The following TMEM25 variants were observed in gnomAD, a reference collection of about 807,000 sequenced individuals.
TMEM25 encodes the protein transmembrane protein 25.
In TMEM25, 36 loss-of-function variants were observed where a neutral mutation model predicts 37.0. That is an observed-to-expected ratio of 0.97 (90% CI 0.75 to 1.28). The LOEUF is 1.28. TMEM25 is among the 50% of genes most tolerant of loss of function. The pLI, the probability that TMEM25 is intolerant of heterozygous loss-of-function variation, is 0.00. For synonymous variants in TMEM25, 197 were observed against 203.7 expected (o/e 0.97, Z 0.28); for missense variants, 444 against 477.9 (o/e 0.93, Z 0.66).
At chr11:118,541,899 A>G (rs1193740013) in intron 8 of TMEM25, among the ~76,000 whole-genome samples, 1 of 152,158 alleles carries the variant, frequency 6.6e-6, no homozygotes, top group Admixed American at 6.6e-5. Flanking sequence ...CTGGGACCAC[A>G]GGTGTATACC....
chr11:118,543,982 T>C (rs1951618646), intron 8 of TMEM25, among the ~76,000 whole-genome samples: 2 of 152,030 alleles, frequency 1.3e-5, no homozygotes, highest in Non-Finnish European at 2.9e-5. Context: ...AACTTTTGTA[T>C]TATTAGTAGA....
rs782412363 is a variant in TMEM25 at position 118,531,907 on chromosome 11, G to A, written c.70+36G>A. 1.9e-6 allele frequency: 3 copies of A among 1,549,546 alleles called. No homozygotes were observed. The African/African-American group carries it at 4.1e-5, about 21-fold the overall frequency. ...GTTCAGTCGTTGACCAAGTCCTTCT[G>A]GGTTCCAAAGCCCCCTCTCTCCCCT... On this transcript the variant is annotated intron_variant, in intron 2 of 8. Transcript: ENST00000313236.
chr11:118,535,333 C>G lies in TMEM25; in HGVS notation c.*753C>G. The G allele has an allele frequency of 1.4e-6, 2 of 1,380,678 alleles. No homozygotes were observed. The highest frequency in any genetic ancestry group is 2.7e-5 in the East Asian group (1 of 37,316). The allele number at this position is 1,380,678 out of a possible 1,614,324, so 85.5% of individuals were successfully genotyped here. On this transcript the variant is annotated 3_prime_UTR_variant, in exon 9 of 9. Transcript: ENST00000313236. ...GGCAGGCGATGAGTCTAGTAGCACCCAGGACGGCTTGTAGCTATGCATCAT... is the reference window on the plus strand; with the variant it reads ...GGCAGGCGATGAGTCTAGTAGCACCGAGGACGGCTTGTAGCTATGCATCAT...
At chr11:118,543,148 C>T (rs1268402395) in intron 8 of TMEM25, among the ~76,000 whole-genome samples, 3 of 152,162 alleles carry the variant, frequency 2.0e-5, no homozygotes, top group Non-Finnish European at 4.4e-5. Flanking sequence ...GAGGCATAGG[C>T]AGGAGAATCG....
chr11:118,533,036 C>T lies in TMEM25; in HGVS notation c.502C>T (p.Gln168Ter). Reference sequence around the variant, plus strand: ...GCCGGCCAATGTCACCTGGATCGACCAGGATGGGCCAGTGACTGTCAACAC... The same window carrying T: ...GCCGGCCAATGTCACCTGGATCGACTAGGATGGGCCAGTGACTGTCAACAC... ...NPPANVTWID[Q>*]DGPVTVNTSD... The change falls in exon 4 of 9, where the codon CAG becomes TAG. Residue 168 changes from glutamine to a stop codon, truncating the protein, a stop_gained. Coordinates refer to ENST00000313236, the MANE Select transcript of TMEM25 (RefSeq NM_032780.4). LOFTEE classifies it high-confidence loss of function. 1 of 1,614,256 alleles carries T rather than the reference C, an allele frequency of 6.2e-7. No individual in the cohort carries two copies. The highest frequency in any genetic ancestry group is 8.5e-7 in the Non-Finnish European group (1 of 1,180,044).
Position 118,531,935 on chromosome 11 carries a change from C to A in TMEM25, c.70+64C>A, listed in dbSNP as rs1196202111. 4 of 1,530,994 alleles carry A rather than the reference C, an allele frequency of 2.6e-6. No individual in the cohort carries two copies. The African/African-American group carries it at 5.5e-5, about 21-fold the overall frequency. The allele number at this position is 1,530,994 out of a possible 1,614,324, so 94.8% of individuals were successfully genotyped here. The stretch of plus-strand genomic sequence containing the variant: ...TTCCAAAGCCCCCTCTCTCCCCTGT[C>A]TGCACTTCTGTTTGGGTACCCACTC... On this transcript the variant is annotated intron_variant, in intron 2 of 8. Transcript: ENST00000313236.
At position 118,532,388 on chromosome 11, in the gene TMEM25, T is replaced by C. The variant is rs782003975; in HGVS notation, c.309T>C (p.His103=). Residue 103 remains histidine (H), a synonymous_variant, in exon 3 of 9, where the codon CAT becomes CAC. Transcript: ENST00000313236. ...TFTVTAHRAQ[H]ELNCSLQDPR... ...CTGTCACTGCCCATCGGGCCCAGCA[T>C]GAGCTCAACTGCTCTCTGCAGGACC... 1 of 1,614,184 alleles carries C rather than the reference T, an allele frequency of 6.2e-7. No homozygotes were observed. Among genetic ancestry groups the C allele is most frequent in the South Asian group, 1.1e-5 (1 of 91,086 alleles).
Position 118,535,369 on chromosome 11 carries a change from C to A in TMEM25, c.*789C>A. On this transcript the variant is annotated 3_prime_UTR_variant, in exon 9 of 9. Transcript: ENST00000313236. Reference sequence around the variant, plus strand: ...GTAGCTATGCATCATTTTCCTACGGCGTTAGCACTTTAAGCACATCCCCTA... The same window carrying A: ...GTAGCTATGCATCATTTTCCTACGGAGTTAGCACTTTAAGCACATCCCCTA... 1 of 1,407,448 alleles carries A rather than the reference C, an allele frequency of 7.1e-7. No homozygotes were observed. The highest frequency in any genetic ancestry group is 9.2e-7 in the Non-Finnish European group (1 of 1,084,184). The allele number at this position is 1,407,448 out of a possible 1,614,324, so 87.2% of individuals were successfully genotyped here.
downstream of TMEM25, among the ~76,000 whole-genome samples, chr11:118,537,138 C>T (rs782239111): frequency 6.6e-6 from 1 of 152,080 alleles, no homozygotes; most frequent in African/African-American, 2.4e-5. Flanking sequence ...CTCAGAAGTT[C>T]GAGACCAGCC....
intron 3 of TMEM25, chr11:118,532,669 AATCTGCCCAGGGTG>A: frequency 1.3e-6 from 1 of 778,856 alleles, no homozygotes; most frequent in Non-Finnish European, 2.0e-6. Flanking sequence ...AGAGGTAAGC[AATCTGCCCAGGGTG>A]ATGATCCCGC....
At chr11:118,543,488 A>G (rs559955157) in intron 8 of TMEM25, among the ~76,000 whole-genome samples, 4 of 151,966 alleles carry the variant, frequency 2.6e-5, no homozygotes, top group African/African-American at 9.7e-5. Context: ...AATTTATCAT[A>G]TTATTATATA....
At chr11:118,533,674 A>G in intron 5 of TMEM25, 123 bp downstream of exon 5, 3 of 1,586,366 alleles carry the variant, frequency 1.9e-6, no homozygotes, top group Non-Finnish European at 2.6e-6. Context: ...GGGGGTGGCC[A>G]TGGGTACGGT....
At chr11:118,542,868 G>A (rs905537765) in intron 8 of TMEM25, among the ~76,000 whole-genome samples, 4 of 151,038 alleles carry the variant, frequency 2.6e-5, no homozygotes, top group African/African-American at 4.9e-5. Context: ...TGCCAAGATC[G>A]CACCACTGCA....
At chr11:118,541,234 G>A (rs868971058) in intron 8 of TMEM25, among the ~76,000 whole-genome samples, 3 of 152,010 alleles carry the variant, frequency 2.0e-5, no homozygotes, top group Non-Finnish European at 4.4e-5. Flanking sequence ...AGGCCAAGGC[G>A]GGCGGATCAT....
intron 8 of TMEM25, among the ~76,000 whole-genome samples, chr11:118,542,256 G>A (rs1160341179): frequency 1.3e-5 from 2 of 152,068 alleles, no homozygotes; most frequent in African/African-American, 4.8e-5. Context: ...GCTAAGTCAG[G>A]TCTCTCTTCT....
At chr11:118,531,525 G>T (rs1275448337) in intron 1 of TMEM25, 1 of 547,548 alleles carries the variant, frequency 1.8e-6, no homozygotes, top group Admixed American at 3.3e-5. Flanking sequence ...GCGTATCTGC[G>T]GGTGTGTGCC....
In TMEM25 at chr11:118,535,366, C is replaced by G. The variant is rs574962840; in HGVS notation, c.*786C>G. ...CTTGTAGCTATGCATCATTTTCCTA[C>G]GGCGTTAGCACTTTAAGCACATCCC... is the stretch of plus-strand genomic sequence containing the variant. On this transcript the variant is annotated 3_prime_UTR_variant, in exon 9 of 9. Coordinates refer to ENST00000313236, the MANE Select transcript of TMEM25 (RefSeq NM_032780.4). The G allele has an allele frequency of 6.6e-4, 928 of 1,398,026 alleles. 15 individuals are homozygous for G. In the South Asian group the frequency reaches 0.015, roughly 23 times the overall value. The allele number at this position is 1,398,026 out of a possible 1,614,324, so 86.6% of individuals were successfully genotyped here. A position where few individuals can be genotyped will look rare whatever the true frequency, so the allele number is the denominator to read the frequency against.
chr11:118,534,444 G>C lies in TMEM25; in HGVS notation c.1028-63G>C, dbSNP rs981208280. On this transcript the variant is annotated intron_variant, in intron 8 of 8. Transcript: ENST00000313236. The surrounding 1 kb of genome is among the most constrained non-coding windows in gnomAD (Gnocchi z 4.6). ...CCTCCAAGTGCCCAGGAGGCAGAGA[G>C]AGCTCTCCAAATTCCAAGGAACAAG... The C allele has an allele frequency of 3.1e-6, 5 of 1,611,230 alleles. No homozygotes were observed. The highest frequency in any genetic ancestry group is 1.7e-5 in the Admixed American group (1 of 59,752).
At chr11:118,544,619 C>A in intron 8 of TMEM25, 1 of 335,724 alleles carries the variant, frequency 3.0e-6, no homozygotes, top group South Asian at 6.5e-5. Flanking sequence ...AAAAGGACAT[C>A]TTTTAAGCTT....
Sources: allele counts gnomAD v4.1 joint callset (sites outside exome capture counted in the v4.1 genomes callset), GRCh38; gene constraint gnomAD v4.1.1; non-coding constraint Gnocchi (gnomAD v3.1); transcripts MANE v1.5; gene names NCBI Gene and HGNC (gene_info 2026-07-23, HGNC 2026-07-21).